Variants in PTPRD observed in about 807,000 individuals in gnomAD.
PTPRD encodes protein tyrosine phosphatase receptor type D, also known as receptor-type tyrosine-protein phosphatase delta.
In PTPRD, 34 loss-of-function variants were observed where a neutral mutation model predicts 214.5. The observed-to-expected ratio is 0.16, with a 90% CI of 0.12 to 0.21. The LOEUF is 0.21. Among genes scored for constraint, PTPRD ranks in the 10% least tolerant of loss-of-function variants. The pLI is 1.00. For missense variants in PTPRD, 2,545 were observed against 2,398.7 expected, an observed-to-expected ratio of 1.06 and a Z score of -1.27; for synonymous variants, 1,128 against 845.7, an observed-to-expected ratio of 1.33 and a Z score of -5.79.
At chr9:10,005,515 C>A (rs1383356369) in intron 4 of PTPRD, among the ~76,000 whole-genome samples, 2 of 151,986 alleles carry the variant, frequency 1.3e-5, no homozygotes, top group African/African-American at 4.8e-5. Flanking sequence ...TCAGATAGCT[C>A]AAAAATGGTT....
At chr9:8,990,904 T>C (rs536494128) in intron 11 of PTPRD, among the ~76,000 whole-genome samples, 7 of 151,952 alleles carry the variant, frequency 4.6e-5, no homozygotes, top group African/African-American at 9.7e-5. Flanking sequence ...CTATACTTCA[T>C]TGAACCTAAG....
At chr9:8,433,834 AGTTTATAGT>A (rs2095217466) in intron 35 of PTPRD, among the ~76,000 whole-genome samples, 1 of 152,198 alleles carries the variant, frequency 6.6e-6, no homozygotes, top group Non-Finnish European at 1.5e-5. Flanking sequence ...GTATAGCTTA[AGTTTATAGT>A]GTTTATAAAG....
chr9:9,815,944 GGT>G (rs1461723063), intron 5 of PTPRD, among the ~76,000 whole-genome samples: 2 of 152,120 alleles, frequency 1.3e-5, no homozygotes, highest in Admixed American at 1.3e-4. Flanking sequence ...AGCTATGTGA[GGT>G]GAACTTTTTT....
At chr9:9,194,885 T>C (rs532071626) in intron 9 of PTPRD, among the ~76,000 whole-genome samples, 3 of 152,096 alleles carry the variant, frequency 2.0e-5, no homozygotes, top group East Asian at 3.9e-4. Flanking sequence ...CTTATAAAGT[T>C]TGTATCTTTA....
In PTPRD at chr9:10,247,214, T is replaced by C. The variant is rs112227771; in HGVS notation, c.-545+93749A>G. Among the ~76,000 whole-genome samples the C allele has an allele frequency of 4.6e-5, 7 of 152,256 alleles. 1 individual carries two copies. The highest frequency in any genetic ancestry group is 1.4e-4 in the African/African-American group (6 of 41,576). On this transcript the variant is annotated intron_variant, in intron 3 of 45. Coordinates refer to ENST00000381196, the MANE Select transcript of PTPRD (RefSeq NM_002839.4). The stretch of plus-strand genomic sequence containing the variant: ...GAAACCTACATACCTAGAGAGACAA[T>C]AGTATCTCAAATTCCCATGCCTAAA...
chr9:8,970,946 C>T (rs1383652121), intron 11 of PTPRD, among the ~76,000 whole-genome samples: 4 of 151,220 alleles, frequency 2.6e-5, no homozygotes, highest in African/African-American at 9.7e-5. Context: ...ACAAAAAACA[C>T]AGAATTAACC....
At chr9:9,199,512 T>C (rs1329447707) in intron 9 of PTPRD, among the ~76,000 whole-genome samples, 1 of 151,730 alleles carries the variant, frequency 6.6e-6, no homozygotes, top group Non-Finnish European at 1.5e-5. Context: ...ATGAGAGGAA[T>C]GAAAATAAGA....
chr9:9,095,033 C>G (rs1224989285), intron 10 of PTPRD, among the ~76,000 whole-genome samples: 2 of 152,056 alleles, frequency 1.3e-5, no homozygotes, highest in African/African-American at 2.4e-5. Context: ...AAAAATCAAC[C>G]AACAACTGAT....
At chr9:10,586,677 G>A (rs898370201) in intron 2 of PTPRD, among the ~76,000 whole-genome samples, 2 of 151,956 alleles carry the variant, frequency 1.3e-5, no homozygotes, top group Admixed American at 6.6e-5. Context: ...CTAAAGTGCC[G>A]AGAATGAATT....
intron 3 of PTPRD, among the ~76,000 whole-genome samples, chr9:10,238,391 C>A (rs12353282): frequency 0.37 from 56,276 of 151,722 alleles, 12,321 homozygotes; most frequent in Non-Finnish European, 0.49. Context: ...ACTAGTGCTA[C>A]TGAATTTTCT....
At chr9:10,246,314 G>C (rs1306786887) in intron 3 of PTPRD, among the ~76,000 whole-genome samples, 1 of 152,142 alleles carries the variant, frequency 6.6e-6, no homozygotes, top group Non-Finnish European at 1.5e-5. Context: ...CTCGGTCTTG[G>C]CTCACTGCAA....
chr9:8,528,159 G>T, intron 15 of PTPRD: 1 of 356,932 alleles, frequency 2.8e-6, no homozygotes, highest in Non-Finnish European at 4.9e-6. Flanking sequence ...ACATTTTAGG[G>T]TTTAATATGA....
At chr9:10,349,800 A>C (rs1302005495) in intron 2 of PTPRD, among the ~76,000 whole-genome samples, 1 of 152,212 alleles carries the variant, frequency 6.6e-6, no homozygotes, top group Non-Finnish European at 1.5e-5. Flanking sequence ...TGAATATCTT[A>C]CAGGTGCATG....
intron 2 of PTPRD, among the ~76,000 whole-genome samples, chr9:10,472,338 G>A (rs938659699): frequency 2.0e-5 from 3 of 152,032 alleles, no homozygotes; most frequent in African/African-American, 7.2e-5. Flanking sequence ...TTAAATGTTT[G>A]TACTATTCAA....
chr9:8,346,095 C>A (rs113477590), intron 39 of PTPRD, among the ~76,000 whole-genome samples: 1 of 152,032 alleles, frequency 6.6e-6, no homozygotes, highest in Admixed American at 6.6e-5. Context: ...CAAATCTGCT[C>A]CTCCCACTCT....
intron 4 of PTPRD, among the ~76,000 whole-genome samples, chr9:9,955,807 C>T (rs551600606): frequency 6.6e-6 from 1 of 152,262 alleles, no homozygotes; most frequent in Non-Finnish European, 1.5e-5. Flanking sequence ...CAGGCGTGAG[C>T]CACCACGCCC....
At chr9:9,915,779 A>G (rs867045823) in intron 5 of PTPRD, among the ~76,000 whole-genome samples, 1 of 152,034 alleles carries the variant, frequency 6.6e-6, no homozygotes, top group Non-Finnish European at 1.5e-5. Flanking sequence ...AGCATTCAAG[A>G]AAAAAGGTGA....
intron 3 of PTPRD, among the ~76,000 whole-genome samples, chr9:10,139,212 A>G (rs1400055032): frequency 1.3e-5 from 2 of 152,110 alleles, no homozygotes; most frequent in African/African-American, 2.4e-5. Context: ...TACAAGATAA[A>G]TGCATAAAAT....
chr9:10,448,902 TAG>T (rs1470106340), intron 2 of PTPRD, among the ~76,000 whole-genome samples: 4 of 152,094 alleles, frequency 2.6e-5, no homozygotes, highest in Admixed American at 6.5e-5. Context: ...TTTTCAAATT[TAG>T]AGTCTTTGCA....
Sources: gnomAD v4.1 joint callset for allele counts (sites outside exome capture counted in the v4.1 genomes callset) on GRCh38, gnomAD v4.1.1 for gene constraint, MANE v1.5 for transcripts, NCBI Gene and HGNC (gene_info 2026-07-23, HGNC 2026-07-21) for gene names.